The following DMD variants were observed in gnomAD, a reference collection of about 807,000 sequenced individuals.
DMD encodes dystrophin, also known as mutant dystrophin.
A neutral mutation model predicts 330.1 loss-of-function variants in DMD; 63 were observed. That is an observed-to-expected ratio of 0.19 (90% CI 0.16 to 0.24). The LOEUF (loss-of-function observed/expected upper bound fraction) is 0.24, where lower values mean the gene tolerates loss of function less well. DMD is among the 10% of genes least tolerant of loss of function. The probability of loss-of-function intolerance (pLI) is 1.00; values close to 1 mark genes in which losing one functional copy is unlikely to be tolerated. For synonymous variants in DMD, 1,223 were observed against 959.8 expected, an observed-to-expected ratio of 1.27 and a Z score of -5.07; for missense variants, 3,344 against 2,684.1, an observed-to-expected ratio of 1.25 and a Z score of -5.43.
intron 44 of DMD, among the ~76,000 whole-genome samples, chrX:31,985,391 A>G (rs997262694): frequency 3.6e-5 from 4 of 112,439 alleles, no homozygotes; most frequent in African/African-American, 1.3e-4. Context: ...AAATGCTTTG[A>G]AACATTCATT....
rs770889974 is a variant in DMD at position 31,794,318 on chromosome X, C to T, written c.7310-20126G>A. ...CATGAAACATTCCTGGGGCTGTGAT[C>T]GGGATGATTGAGAGGAGCGCTAAAT... On this transcript the variant is annotated intron_variant, in intron 50 of 78. Coordinates refer to ENST00000357033, the MANE Select transcript of DMD (RefSeq NM_004006.3). 9.0e-5 allele frequency among the ~76,000 whole-genome samples: 10 copies of T among 111,374 alleles called. No individual in the cohort carries two copies. In the East Asian group the frequency reaches 2.3e-3, roughly 25 times the overall value.
rs369569034 is a variant in DMD at position 31,559,401 on chromosome X, G to T, written c.8218-51948C>A. On this transcript the variant is annotated intron_variant, in intron 55 of 78. Transcript: ENST00000357033. ...CTCACGCCTGTAATCCCAGCACTTT[G>T]GGAGGCCGAGACGGGCGGATCACGA... Among the ~76,000 whole-genome samples the T allele has an allele frequency of 4.2e-3, 320 of 76,539 alleles. 43 individuals are homozygous for T. Among genetic ancestry groups the T allele is most frequent in the Admixed American group, 0.033 (213 of 6,436 alleles). The allele number at this position is 76,539 out of a possible 115,157, so 66.5% of individuals were successfully genotyped here.
chrX:31,469,474 T>C (rs2067132539), intron 59 of DMD, among the ~76,000 whole-genome samples: 1 of 112,091 alleles, frequency 8.9e-6, no homozygotes, highest in Non-Finnish European at 1.9e-5. Context: ...AAAATTCTTT[T>C]CTTTAAGAAT....
Position 32,503,703 on chromosome X carries a change from G to C in DMD, c.2293-1861C>G, listed in dbSNP as rs191945314. On this transcript the variant is annotated intron_variant, in intron 18 of 78. Transcript: ENST00000357033. ...CCCGAGTAGCCGGGATTACAGGCGT[G>C]CACCACCACGCCCAGCTAATTTTTG... is the stretch of plus-strand genomic sequence containing the variant. Among the ~76,000 whole-genome samples, 517 of 110,064 alleles carry C rather than the reference G, an allele frequency of 4.7e-3. 4 individuals carry two copies. The highest frequency in any genetic ancestry group is 0.016 in the African/African-American group (477 of 30,182).
chrX:33,089,899 T>G (rs2095061957), intron 1 of DMD, among the ~76,000 whole-genome samples: 1 of 111,358 alleles, frequency 9.0e-6, no homozygotes, highest in Non-Finnish European at 1.9e-5. Flanking sequence ...TGTCTCTTGA[T>G]TTCACAAATT....
intron 38 of DMD, among the ~76,000 whole-genome samples, chrX:32,347,022 T>C (rs2097766173): frequency 9.0e-6 from 1 of 111,688 alleles, no homozygotes; most frequent in Admixed American, 9.6e-5. Flanking sequence ...ATGTGTGTAT[T>C]ACAATTCAAG....
chrX:31,454,591 T>A lies in DMD; in HGVS notation c.8938-9964A>T, dbSNP rs111795304. 3.6e-3 allele frequency among the ~76,000 whole-genome samples: 407 copies of A among 111,792 alleles called. 1 individual carries two copies. The highest frequency in any genetic ancestry group is 0.012 in the African/African-American group (381 of 30,784). ...AGTGATTCTCACACAATAGTGTGCA[T>A]CTCATTGTCATGTGGAAGGCTTGTT... On this transcript the variant is annotated intron_variant, in intron 59 of 78. Coordinates refer to ENST00000357033, the MANE Select transcript of DMD (RefSeq NM_004006.3).
chrX:32,870,980 A>AAAAAAAAAAAAAAAAAAAAG lies in DMD; in HGVS notation c.94-21161_94-21160insCTTTTTTTTTTTTTTTTTTT, dbSNP rs770375159. ...CAGCAAAAAAAAAAAAAAAAAAAAA[A>AAAAAAAAAAAAAAAAAAAAG]AAAAAAAACCACAAAACCCATCATC... On this transcript the variant is annotated intron_variant, in intron 2 of 78. Transcript: ENST00000357033. Among the ~76,000 whole-genome samples, 30 of 37,235 alleles carry AAAAAAAAAAAAAAAAAAAAG rather than the reference A, an allele frequency of 8.1e-4. 4 individuals are homozygous for AAAAAAAAAAAAAAAAAAAAG. Among genetic ancestry groups the AAAAAAAAAAAAAAAAAAAAG allele is most frequent in the Non-Finnish European group, 1.0e-3 (19 of 18,741 alleles). The allele number at this position is 37,235 out of a possible 115,157, so 32.3% of individuals were successfully genotyped here. A position where few individuals can be genotyped will look rare whatever the true frequency, so the allele number is the denominator to read the frequency against.
chrX:31,649,160 A>G (rs1228840037), intron 54 of DMD, among the ~76,000 whole-genome samples: 1 of 111,841 alleles, frequency 8.9e-6, no homozygotes, highest in Non-Finnish European at 1.9e-5. Context: ...TGAACAAAAA[A>G]CAGTCTGTTG....
intron 57 of DMD, among the ~76,000 whole-genome samples, chrX:31,483,344 C>T (rs1270568056): frequency 9.0e-6 from 1 of 111,585 alleles, no homozygotes; most frequent in Non-Finnish European, 1.9e-5. Context: ...CCACGCCCGG[C>T]CGGAAATGGA....
intron 2 of DMD, among the ~76,000 whole-genome samples, chrX:32,935,162 T>C (rs951334626): frequency 8.9e-6 from 1 of 112,867 alleles, no homozygotes; most frequent in Admixed American, 9.3e-5. Flanking sequence ...GTATTTTTAG[T>C]AGAGACGGGG....
At chrX:32,303,846 T>A (rs1052235311) in intron 42 of DMD, among the ~76,000 whole-genome samples, 1 of 110,531 alleles carries the variant, frequency 9.0e-6, no homozygotes, top group African/African-American at 3.3e-5. Flanking sequence ...ACTCTTCACA[T>A]CCCATCCAGC....
chrX:31,569,621 T>G (rs187166654), intron 55 of DMD, among the ~76,000 whole-genome samples: 2 of 99,004 alleles, frequency 2.0e-5, no homozygotes, highest in African/African-American at 7.6e-5. Flanking sequence ...TACGTATATA[T>G]ACGTATATAC....
At chrX:32,329,986 G>A (rs1220070321) in intron 41 of DMD, among the ~76,000 whole-genome samples, 2 of 112,067 alleles carry the variant, frequency 1.8e-5, no homozygotes, top group East Asian at 2.8e-4. Context: ...TTTTACATGC[G>A]TTAAAATAGC....
chrX:32,629,279 C>T (rs1396124187), intron 11 of DMD, among the ~76,000 whole-genome samples: 1 of 111,683 alleles, frequency 9.0e-6, no homozygotes, highest in Non-Finnish European at 1.9e-5. Context: ...CCGGCGTTGT[C>T]CCTTTTTATA....
chrX:32,939,393 C>T (rs1478450602), intron 2 of DMD, among the ~76,000 whole-genome samples: 5 of 110,115 alleles, frequency 4.5e-5, no homozygotes, highest in Non-Finnish European at 7.6e-5. Context: ...TATTGGCCAA[C>T]CACCTTGCAA....
intron 15 of DMD, among the ~76,000 whole-genome samples, chrX:32,567,541 A>G (rs2149104166): frequency 9.0e-6 from 1 of 111,305 alleles, no homozygotes; most frequent in Admixed American, 9.6e-5. Flanking sequence ...TATTATAGGC[A>G]CATGCCACTA....
intron 43 of DMD, among the ~76,000 whole-genome samples, chrX:32,232,936 C>A (rs998636945): frequency 8.9e-6 from 1 of 111,893 alleles, no homozygotes; most frequent in Non-Finnish European, 1.9e-5. Context: ...AGAAAAAGAA[C>A]CTTTAAGAAA....
At chrX:33,269,510 T>G (rs2053114853) in intron 1 of DMD, among the ~76,000 whole-genome samples, 1 of 111,014 alleles carries the variant, frequency 9.0e-6, no homozygotes, top group East Asian at 2.8e-4. Flanking sequence ...GGGTGCAATA[T>G]ACCGTTTTAA....
Sources: gnomAD v4.1 joint callset for allele counts (sites outside exome capture counted in the v4.1 genomes callset) on GRCh38, gnomAD v4.1.1 for gene constraint, MANE v1.5 for transcripts, NCBI Gene and HGNC (gene_info 2026-07-23, HGNC 2026-07-21) for gene names.